DTHD1: variants seen among roughly 807,000 people sequenced by gnomAD.
DTHD1 encodes death domain containing 1.
In DTHD1, 59 loss-of-function variants were observed where a neutral mutation model predicts 74.8. The observed-to-expected ratio is 0.79, with a 90% CI of 0.64 to 0.98. The LOEUF (loss-of-function observed/expected upper bound fraction) is 0.98, where lower values mean the gene tolerates loss of function less well. Among genes scored for constraint, DTHD1 ranks in the 50% least tolerant of loss-of-function variants. The probability of loss-of-function intolerance (pLI) is 0.00; values close to 1 mark genes in which losing one functional copy is unlikely to be tolerated. For missense variants in DTHD1, 1,051 were observed against 1,065.4 expected (o/e 0.99, Z 0.19); for synonymous variants, 365 against 371.1 (o/e 0.98, Z 0.19).
At chr4:36,318,312 G>A (rs968915296) in intron 8 of DTHD1, among the ~76,000 whole-genome samples, 4 of 152,160 alleles carry the variant, frequency 2.6e-5, no homozygotes, top group Admixed American at 2.0e-4. Flanking sequence ...CACCTTTGAT[G>A]TTGTATGATG....
At chr4:36,329,359 G>C (rs193158703) in intron 8 of DTHD1, among the ~76,000 whole-genome samples, 3 of 152,138 alleles carry the variant, frequency 2.0e-5, no homozygotes, top group Non-Finnish European at 2.9e-5. Context: ...TGAATACTTT[G>C]CCACTTCTGA....
At position 36,295,056 on chromosome 4, in the gene DTHD1, T is replaced by C; in HGVS notation, c.1643+17T>C. 1.3e-6 allele frequency: 2 copies of C among 1,508,204 alleles called. No homozygotes were observed. The highest frequency in any genetic ancestry group is 1.8e-6 in the Non-Finnish European group (2 of 1,120,984). The allele number at this position is 1,508,204 out of a possible 1,614,324, so 93.4% of individuals were successfully genotyped here. A position where few individuals can be genotyped will look rare whatever the true frequency, so the allele number is the denominator to read the frequency against. ...TTTCAACCGGTGAGTAAGTTTCTAA[T>C]ATTGTAAACTGGCTTAATGTCAAAC... is the stretch of plus-strand genomic sequence containing the variant. On this transcript the variant is annotated intron_variant, in intron 5 of 9. Transcript: ENST00000639862.
Position 36,308,395 on chromosome 4 carries a change from TG to T in DTHD1, c.1999del (p.Glu667LysfsTer23). 1.3e-6 allele frequency: 2 copies of T among 1,551,854 alleles called. No homozygotes were observed. The highest frequency in any genetic ancestry group is 1.7e-6 in the Non-Finnish European group (2 of 1,147,020). On this transcript the variant is annotated frameshift_variant, in exon 7 of 10. Coordinates refer to ENST00000639862, the MANE Select transcript of DTHD1 (RefSeq NM_001170700.3). LOFTEE classifies it high-confidence loss of function. ...AGCCAGGTGCTTAAGGACCTGCACT[TG>T]GAAGGGTTTGGAGGACCTCCAGAGC... ...DLSQVLKDLH[L>X]EGFGGPPEPS...
intron 2 of DTHD1, among the ~76,000 whole-genome samples, chr4:36,288,080 C>T (rs1279512761): frequency 1.3e-5 from 2 of 152,092 alleles, no homozygotes; most frequent in African/African-American, 4.8e-5. Context: ...AAAGGTTTTT[C>T]TGATGTTATC....
chr4:36,299,327 A>AT (rs1164762072), intron 5 of DTHD1, among the ~76,000 whole-genome samples: 2 of 152,130 alleles, frequency 1.3e-5, no homozygotes, highest in Non-Finnish European at 2.9e-5. Flanking sequence ...ATGAAAATGA[A>AT]TTTTTTCCAC....
intron 2 of DTHD1, among the ~76,000 whole-genome samples, chr4:36,287,501 C>T (rs1162689668): frequency 1.3e-5 from 2 of 152,194 alleles, no homozygotes. Context: ...AGTAGATACC[C>T]AGTAGTGGGA....
Position 36,306,221 on chromosome 4 carries a change from G to GA in DTHD1, c.1679dup (p.Asn560LysfsTer4), listed in dbSNP as rs1455918635. ...AAATTGCCTCCATAAGAAAACCTAG[G>GA]AAAAATGCCAGTGAATGTTTGAAAT... On this transcript the variant is annotated frameshift_variant, in exon 6 of 10. Transcript: ENST00000639862. LOFTEE classifies it high-confidence loss of function. 4 of 1,551,654 alleles carry GA rather than the reference G, an allele frequency of 2.6e-6. No homozygotes were observed. The highest frequency in any genetic ancestry group is 3.5e-6 in the Non-Finnish European group (4 of 1,147,002).
At chr4:36,298,499 T>C (rs879832639) in intron 5 of DTHD1, among the ~76,000 whole-genome samples, 1 of 152,090 alleles carries the variant, frequency 6.6e-6, no homozygotes, top group African/African-American at 2.4e-5. Flanking sequence ...AACAAGCAAA[T>C]GAGACTCCAT....
At chr4:36,309,127 A>G (rs1757231327) in intron 7 of DTHD1, among the ~76,000 whole-genome samples, 1 of 152,234 alleles carries the variant, frequency 6.6e-6, no homozygotes, top group African/African-American at 2.4e-5. Context: ...AGTCTATGGG[A>G]AAAAAGAAAT....
intron 5 of DTHD1, among the ~76,000 whole-genome samples, chr4:36,297,116 C>G (rs1299658007): frequency 1.3e-5 from 2 of 151,756 alleles, no homozygotes; most frequent in African/African-American, 4.8e-5. Flanking sequence ...GGTTTTTATC[C>G]CTGTCATCTT....
At chr4:36,302,756 G>A (rs936116180) in intron 5 of DTHD1, among the ~76,000 whole-genome samples, 3 of 152,020 alleles carry the variant, frequency 2.0e-5, no homozygotes, top group African/African-American at 4.8e-5. Context: ...TGAATTTTAT[G>A]ATCAACATGA....
intron 5 of DTHD1, among the ~76,000 whole-genome samples, chr4:36,305,838 T>C (rs898229040): frequency 6.6e-6 from 1 of 152,230 alleles, no homozygotes; most frequent in Non-Finnish European, 1.5e-5. Flanking sequence ...AAATCTATTT[T>C]GCCAGTTGCA....
chr4:36,300,883 A>G (rs947154878), intron 5 of DTHD1, among the ~76,000 whole-genome samples: 1 of 152,230 alleles, frequency 6.6e-6, no homozygotes, highest in African/African-American at 2.4e-5. Flanking sequence ...TCATGTGTTA[A>G]ACTTGGAGGT....
At position 36,346,785 on chromosome 4, in the gene DTHD1, T is replaced by C. The variant is rs1759608782; in HGVS notation, c.*2961T>C. On this transcript the variant is annotated 3_prime_UTR_variant, in exon 10 of 10. Coordinates refer to ENST00000639862, the MANE Select transcript of DTHD1 (RefSeq NM_001170700.3). ...CCCTGTGCTCATCTTGGCCTGGCTG[T>C]GTCCCTGGCCTGCAACCACTGCTCC... 6.6e-6 allele frequency among the ~76,000 whole-genome samples: 1 copy of C among 152,016 alleles called. No individual in the cohort carries two copies. Among genetic ancestry groups the C allele is most frequent in the African/African-American group, 2.4e-5 (1 of 41,398 alleles).
chr4:36,339,291 C>CT (rs909381476), intron 9 of DTHD1, 122 bp downstream of exon 9: 1 of 631,972 alleles, frequency 1.6e-6, no homozygotes, highest in African/African-American at 1.9e-5. Flanking sequence ...CAATCATTAA[C>CT]TTTATTGGCC....
At chr4:36,320,666 T>C (rs1432202358) in intron 8 of DTHD1, among the ~76,000 whole-genome samples, 1 of 152,230 alleles carries the variant, frequency 6.6e-6, no homozygotes, top group Non-Finnish European at 1.5e-5. Flanking sequence ...GGAACTTTTT[T>C]CTTTTCAAAC....
At chr4:36,324,284 C>T (rs1238140097) in intron 8 of DTHD1, among the ~76,000 whole-genome samples, 2 of 152,152 alleles carry the variant, frequency 1.3e-5, no homozygotes, top group Middle Eastern at 3.4e-3. Flanking sequence ...CCTCCCTCCT[C>T]CTTCCTCCTT....
At chr4:36,306,382 T>C in intron 6 of DTHD1, 30 bp downstream of exon 6, 3 of 1,512,332 alleles carry the variant, frequency 2.0e-6, no homozygotes, top group South Asian at 2.6e-5. Flanking sequence ...TCAAAGTTGA[T>C]GATACTCTTT....
chr4:36,303,250 T>C (rs1756874303), intron 5 of DTHD1, among the ~76,000 whole-genome samples: 1 of 152,294 alleles, frequency 6.6e-6, no homozygotes, highest in South Asian at 2.1e-4. Context: ...ATTAAGGAAA[T>C]AGTTTAGTTG....
Sources: allele counts gnomAD v4.1 joint callset (sites outside exome capture counted in the v4.1 genomes callset), GRCh38; gene constraint gnomAD v4.1.1; transcripts MANE v1.5; gene names NCBI Gene and HGNC (gene_info 2026-07-23, HGNC 2026-07-21).